The following PDE5A variants were observed in gnomAD, a reference collection of about 807,000 sequenced individuals.
PDE5A encodes the protein cGMP-specific 3',5'-cyclic phosphodiesterase.
A neutral mutation model predicts 110.2 loss-of-function variants in PDE5A; 67 were observed. The observed-to-expected ratio is 0.61, with a 90% CI of 0.50 to 0.75. PDE5A has a LOEUF of 0.75. Ranked by LOEUF, PDE5A falls within the 30% of genes least tolerant of loss-of-function variation. The probability of loss-of-function intolerance (pLI) is 0.00; values close to 1 mark genes in which losing one functional copy is unlikely to be tolerated. For missense variants in PDE5A, 862 were observed against 1,045.1 expected, an observed-to-expected ratio of 0.82 and a Z score of 2.42; for synonymous variants, 328 against 351.2, an observed-to-expected ratio of 0.93 and a Z score of 0.74.
Position 119,505,938 on chromosome 4 carries a change from ATGTTT to A in PDE5A, c.2190-11_2190-7del. 6.6e-7 allele frequency: 1 copy of A among 1,523,196 alleles called. No individual in the cohort carries two copies. Among genetic ancestry groups the A allele is most frequent in the Admixed American group, 2.0e-5 (1 of 49,286 alleles). 94.4% of individuals were successfully genotyped at this position (1,523,196 alleles called of 1,614,324 possible). On this transcript the variant is annotated splice_region_variant and splice_polypyrimidine_tract_variant and intron_variant, in intron 16 of 20. Coordinates refer to ENST00000354960, the MANE Select transcript of PDE5A (RefSeq NM_001083.4). ...CAAAAAATTCTCCTCGCCTCCTACA[ATGTTT>A]AAAAAAAAATTGTTAGTTATAATGA...
Position 119,511,061 on chromosome 4 carries a change from T to A in PDE5A, c.2074A>T (p.Ile692Phe). The change falls in exon 15 of 21, where the codon ATT becomes TTT. Residue 692 changes from isoleucine to phenylalanine, a missense_variant. Coordinates refer to ENST00000354960, the MANE Select transcript of PDE5A (RefSeq NM_001083.4). ...EHHHFDQCLM[I>F]LNSPGNQILS... ...TAGGTACTTACTGGACTATTAAGAATCATCAGGCACTGGTCAAAATGATGG... is the reference window on the plus strand; with the variant it reads ...TAGGTACTTACTGGACTATTAAGAAACATCAGGCACTGGTCAAAATGATGG... 1 of 1,596,382 alleles carries A rather than the reference T, an allele frequency of 6.3e-7. No individual in the cohort carries two copies. Among genetic ancestry groups the A allele is most frequent in the Non-Finnish European group, 8.6e-7 (1 of 1,165,314 alleles).
intron 14 of PDE5A, among the ~76,000 whole-genome samples, chr4:119,513,982 A>C (rs1450492825): frequency 6.6e-6 from 1 of 152,198 alleles, no homozygotes; most frequent in Non-Finnish European, 1.5e-5. Context: ...AAAAACATTC[A>C]TGGAAACCAG....
chr4:119,510,335 T>C (rs1045597490), intron 15 of PDE5A, among the ~76,000 whole-genome samples: 3 of 152,064 alleles, frequency 2.0e-5, no homozygotes, highest in Admixed American at 2.0e-4. Flanking sequence ...CTTAGCAATA[T>C]TGTAAAATTG....
chr4:119,536,263 A>T (rs191651263), intron 11 of PDE5A, among the ~76,000 whole-genome samples: 3 of 152,326 alleles, frequency 2.0e-5, no homozygotes, highest in Non-Finnish European at 4.4e-5. Context: ...AACAAACTTG[A>T]ATATCATCTT....
chr4:119,503,235 A>G (rs941196444), intron 18 of PDE5A, among the ~76,000 whole-genome samples: 5 of 152,172 alleles, frequency 3.3e-5, no homozygotes, highest in African/African-American at 1.2e-4. Context: ...GCAGGCTGTC[A>G]ACAATCCTAA....
rs1462627047 is a variant in PDE5A, at chr4:119,496,198, A to C, written c.*2403T>G. On this transcript the variant is annotated 3_prime_UTR_variant, in exon 21 of 21. Transcript: ENST00000354960. ...TGGTATGTTACTCTGTTATAACTAA[A>C]CAAACAAAAAATCTAGAACAAGAAC... 1.3e-5 allele frequency: 2 copies of C among 152,158 alleles called. No homozygotes were observed. The highest frequency in any genetic ancestry group is 6.6e-5 in the Admixed American group (1 of 15,260). The allele number at this position is 152,158 out of a possible 1,614,324, so 9.4% of individuals were successfully genotyped here. A position where few individuals can be genotyped will look rare whatever the true frequency, so the allele number is the denominator to read the frequency against.
intron 2 of PDE5A, among the ~76,000 whole-genome samples, chr4:119,601,040 TG>T (rs900369069): frequency 1.3e-5 from 2 of 152,214 alleles, no homozygotes; most frequent in African/African-American, 2.4e-5. Context: ...TTCTGATCTT[TG>T]TTCCCAGTTC....
At chr4:119,581,200 C>T (rs920032635) in intron 3 of PDE5A, among the ~76,000 whole-genome samples, 1 of 151,114 alleles carries the variant, frequency 6.6e-6, no homozygotes. Flanking sequence ...AGAAGTAACA[C>T]AGCAAAAATG....
chr4:119,604,105 G>C (rs1328935443), intron 2 of PDE5A, among the ~76,000 whole-genome samples: 1 of 152,062 alleles, frequency 6.6e-6, no homozygotes, highest in Non-Finnish European at 1.5e-5. Flanking sequence ...ACTCCTGCAA[G>C]GCTACTATAA....
Position 119,552,572 on chromosome 4 carries a change from A to C in PDE5A, c.1374T>G (p.Asn458Lys). ...TACCTATAACTTTATTCTTCTTTCC[A>C]TTTTTTATAGGTGTACAAAGCAAAC... ...IRSLLCTPIK[N>K]GKKNKVIGVC... Residue 458 changes from asparagine to lysine, a missense_variant, in exon 9 of 21, where the codon AAT becomes AAG. Transcript: ENST00000354960. The C allele has an allele frequency of 6.6e-7, 1 of 1,515,816 alleles. No individual in the cohort carries two copies. The highest frequency in any genetic ancestry group is 1.3e-5 in the South Asian group (1 of 78,480). 93.9% of individuals were successfully genotyped at this position (1,515,816 alleles called of 1,614,324 possible).
chr4:119,536,807 G>T (rs1726739990), intron 11 of PDE5A, among the ~76,000 whole-genome samples: 1 of 152,074 alleles, frequency 6.6e-6, no homozygotes, highest in Non-Finnish European at 1.5e-5. Context: ...AGACTGCCTG[G>T]ATTTAGTACT....
intron 19 of PDE5A, among the ~76,000 whole-genome samples, chr4:119,502,011 G>GAGTAAACAAGT (rs1725357648): frequency 6.6e-6 from 1 of 152,048 alleles, no homozygotes; most frequent in African/African-American, 2.4e-5. Context: ...TTGAACAAAG[G>GAGTAAACAAGT]AGTAAACAAG....
intron 1 of PDE5A, among the ~76,000 whole-genome samples, chr4:119,615,429 A>G (rs934259312): frequency 1.7e-4 from 26 of 152,086 alleles, no homozygotes; most frequent in African/African-American, 6.3e-4. Context: ...TTCCTCAAAA[A>G]GGTCAGCCAA....
At chr4:119,503,951 ATTTTT>A (rs869052460) in intron 18 of PDE5A, among the ~76,000 whole-genome samples, 2 of 137,598 alleles carry the variant, frequency 1.5e-5, no homozygotes, top group South Asian at 4.5e-4. Context: ...ACTTAAAAAA[ATTTTT>A]TTTATTTTAG....
intron 14 of PDE5A, among the ~76,000 whole-genome samples, chr4:119,518,668 A>G (rs938746626): frequency 6.6e-6 from 1 of 152,228 alleles, no homozygotes; most frequent in African/African-American, 2.4e-5. Context: ...TCTACTGAGC[A>G]CTTAATAAGT....
At chr4:119,622,449 A>T (rs1345353697) in intron 1 of PDE5A, among the ~76,000 whole-genome samples, 1 of 152,224 alleles carries the variant, frequency 6.6e-6, no homozygotes, top group Non-Finnish European at 1.5e-5. Context: ...GCAAAAAGTT[A>T]ATCTTACTTT....
chr4:119,628,443 G>T, intron 1 of PDE5A, 77 bp downstream of exon 1: 2 of 1,248,808 alleles, frequency 1.6e-6, no homozygotes, highest in Non-Finnish European at 1.1e-6. Flanking sequence ...AAGGGCCTGG[G>T]AACAGGGGTG....
rs199805680 is a variant in PDE5A, at chr4:119,495,751, A to G, written c.*2850T>C. ...TCCTGGGTTTGTACCTTGAAGCAAT[A>G]TACTCAATGAGCTCTAAATCTCACA... On this transcript the variant is annotated 3_prime_UTR_variant, in exon 21 of 21. Coordinates refer to ENST00000354960, the MANE Select transcript of PDE5A (RefSeq NM_001083.4). The G allele has an allele frequency of 6.6e-6, 1 of 152,272 alleles. No homozygotes were observed. Among genetic ancestry groups the G allele is most frequent in the African/African-American group, 2.4e-5 (1 of 41,464 alleles). 9.4% of individuals were successfully genotyped at this position (152,272 alleles called of 1,614,324 possible).
rs200971951 is a variant in PDE5A, at chr4:119,606,785, C to T, written c.665G>A (p.Arg222His). Residue 222 changes from arginine to histidine, a missense_variant, in exon 2 of 21, where the codon CGC becomes CAC. Arg to His is a conservative substitution (Grantham distance 29). Coordinates refer to ENST00000354960, the MANE Select transcript of PDE5A (RefSeq NM_001083.4). ...TLEEVSNNCI[R>H]LEWNKGIVGH... is the part of the protein sequence containing the mutation. ...CACAATGCCTTTGTTCCATTCTAAG[C>T]GGATACAGTTATTTGAAACTTCTTC... 7.1e-5 allele frequency: 114 copies of T among 1,614,044 alleles called. No individual in the cohort carries two copies. In the African/African-American group the frequency reaches 8.0e-4, roughly 11 times the overall value.
Sources: gnomAD v4.1 joint callset for allele counts (sites outside exome capture counted in the v4.1 genomes callset) on GRCh38, gnomAD v4.1.1 for gene constraint, MANE v1.5 for transcripts, NCBI Gene and HGNC (gene_info 2026-07-23, HGNC 2026-07-21) for gene names.